Variants in ZNF775 observed in about 807,000 individuals in gnomAD.
ZNF775 encodes the protein zinc finger protein 775.
Under a neutral mutation model 2.4 loss-of-function variants are expected in ZNF775, and 1 was observed. The ratio of observed to expected loss-of-function variants is 0.41; its 90% CI spans 0.15 to 1.94. The LOEUF (loss-of-function observed/expected upper bound fraction) is 1.94. ZNF775 is among the 30% of genes most tolerant of loss of function. The pLI, the probability that ZNF775 is intolerant of heterozygous loss-of-function variation, is 0.30. For missense variants in ZNF775, 823 were observed against 826.6 expected (o/e 1.00, Z 0.05); for synonymous variants, 381 against 373.3 (o/e 1.02, Z -0.24).
chr7:150,391,682 TTCCCA>T (rs1800560877), intron 2 of ZNF775, among the ~76,000 whole-genome samples: 1 of 150,634 alleles, frequency 6.6e-6, no homozygotes, highest in South Asian at 2.1e-4. Flanking sequence ...CTGCTCTAAA[TTCCCA>T]TTTCTTTTTC....
chr7:150,388,161 A>G (rs1005351075), intron 1 of ZNF775, among the ~76,000 whole-genome samples: 13 of 152,076 alleles, frequency 8.5e-5, no homozygotes, highest in African/African-American at 3.1e-4. Flanking sequence ...TCTGCCATTC[A>G]TCACCTCCAT....
In ZNF775 at chr7:150,397,478, G is replaced by GGCGA; in HGVS notation, c.1001_1004dup (p.Pro336AlafsTer39). The stretch of plus-strand genomic sequence containing the variant: ...GACGCGGCACCTGCGCAACCACACA[G>GGCGA]GCGAGCGCCCGCACCCCTGCCCGCA... On this transcript the variant is annotated frameshift_variant, in exon 3 of 3. Coordinates refer to ENST00000329630, the MANE Select transcript of ZNF775 (RefSeq NM_173680.4). LOFTEE classifies it low-confidence loss of function (END_TRUNC). 2 of 1,590,302 alleles carry GGCGA rather than the reference G, an allele frequency of 1.3e-6. No homozygotes were observed. Among genetic ancestry groups the GGCGA allele is most frequent in the Non-Finnish European group, 1.7e-6 (2 of 1,174,238 alleles).
At chr7:150,391,235 C>T (rs1376882587) in intron 2 of ZNF775, among the ~76,000 whole-genome samples, 7 of 152,194 alleles carry the variant, frequency 4.6e-5, no homozygotes, top group African/African-American at 1.4e-4. Flanking sequence ...CGGCCAGGCG[C>T]GGTGGCTCAC....
intron 1 of ZNF775, among the ~76,000 whole-genome samples, chr7:150,381,418 C>T (rs1033394278): frequency 2.4e-4 from 37 of 152,260 alleles, no homozygotes; most frequent in African/African-American, 8.7e-4. Flanking sequence ...GCTGGCTGTT[C>T]ATACCCTGAG....
At position 150,397,306 on chromosome 7, in the gene ZNF775, G is replaced by C; in HGVS notation, c.825G>C (p.Pro275=). ...CCGCGGTCTCCGGCCCCGAGGGGCC[G>C]GGCGAGCCGCGCCAGTTCATCTGCA... is the stretch of plus-strand genomic sequence containing the variant. ...ARAAVSGPEG[P]GEPRQFICNE... Residue 275 remains proline, a synonymous_variant, in exon 3 of 3, where the codon CCG becomes CCC. Transcript: ENST00000329630. 1 of 1,572,314 alleles carries C rather than the reference G, an allele frequency of 6.4e-7. No homozygotes were observed. The highest frequency in any genetic ancestry group is 8.6e-7 in the Non-Finnish European group (1 of 1,164,504).
intron 1 of ZNF775, among the ~76,000 whole-genome samples, chr7:150,381,976 T>C (rs1241783323): frequency 6.8e-6 from 1 of 147,778 alleles, no homozygotes; most frequent in Admixed American, 6.7e-5. Context: ...ACAGGGGAGT[T>C]GTGGGAGGCT....
intron 2 of ZNF775, 98 bp from the exon 3 acceptor site, chr7:150,396,415 T>C (rs1218483785): frequency 7.0e-7 from 1 of 1,428,050 alleles, no homozygotes; most frequent in East Asian, 2.5e-5. Flanking sequence ...CTCTCTGCCC[T>C]CCTGCACCAC....
chr7:150,386,100 TAA>T (rs1800447872), intron 1 of ZNF775, among the ~76,000 whole-genome samples: 1 of 152,166 alleles, frequency 6.6e-6, no homozygotes, highest in African/African-American at 2.4e-5. Flanking sequence ...TACACCCAGC[TAA>T]GTTTTGTATT....
chr7:150,387,236 A>G (rs1800467551), intron 1 of ZNF775, among the ~76,000 whole-genome samples: 1 of 149,816 alleles, frequency 6.7e-6, no homozygotes, highest in African/African-American at 2.5e-5. Context: ...TGGTGATTGT[A>G]GCGAACTGAG....
Position 150,397,278 on chromosome 7 carries a change from G to C in ZNF775, c.797G>C (p.Arg266Pro), listed in dbSNP as rs1036467261. 1.4e-6 allele frequency: 2 copies of C among 1,479,986 alleles called. No individual in the cohort carries two copies. Among genetic ancestry groups the C allele is most frequent in the African/African-American group, 2.9e-5 (2 of 68,586 alleles). 91.7% of individuals were successfully genotyped at this position (1,479,986 alleles called of 1,614,324 possible). Residue 266 changes from arginine to proline, a missense_variant, in exon 3 of 3, where the codon CGG becomes CCG. Coordinates refer to ENST00000329630, the MANE Select transcript of ZNF775 (RefSeq NM_173680.4). Reference sequence around the variant, plus strand: ...GGCTGGTGGGGCCAGCCCGGGGCCCGGGCCGCGGTCTCCGGCCCCGAGGGG... The same window carrying C: ...GGCTGGTGGGGCCAGCCCGGGGCCCCGGCCGCGGTCTCCGGCCCCGAGGGG... The part of the protein sequence containing the change: ...CQGWWGQPGA[R>P]AAVSGPEGPG...
At chr7:150,383,962 C>G (rs774585922) in intron 1 of ZNF775, 1 of 152,604 alleles carries the variant, frequency 6.6e-6, no homozygotes, top group South Asian at 2.1e-4. Context: ...CGCCCCACCC[C>G]CAAGTCTCTG....
chr7:150,381,829 G>A (rs1800367906), intron 1 of ZNF775, among the ~76,000 whole-genome samples: 1 of 152,110 alleles, frequency 6.6e-6, no homozygotes, highest in African/African-American at 2.4e-5. Flanking sequence ...GGGGTGTTTG[G>A]GAGACTGAGG....
rs549437937 is a variant in ZNF775, at chr7:150,398,317, A to G, written c.*222A>G. On this transcript the variant is annotated 3_prime_UTR_variant, in exon 3 of 3. Coordinates refer to ENST00000329630, the MANE Select transcript of ZNF775 (RefSeq NM_173680.4). Reference sequence around the variant, plus strand: ...GGAGGAGGGAAGATCCGAGTTCCTCACCGCGGGCCGGGATGTGACCACCCT... The same window carrying G: ...GGAGGAGGGAAGATCCGAGTTCCTCGCCGCGGGCCGGGATGTGACCACCCT... The G allele has an allele frequency of 8.1e-4, 605 of 745,240 alleles. 3 individuals carry two copies. In the African/African-American group the frequency reaches 9.4e-3, roughly 12 times the overall value. 46.2% of individuals were successfully genotyped at this position (745,240 alleles called of 1,614,324 possible). A position where few individuals can be genotyped will look rare whatever the true frequency, so the allele number is the denominator to read the frequency against.
chr7:150,381,151 C>A (rs988096304), intron 1 of ZNF775, among the ~76,000 whole-genome samples: 2 of 151,732 alleles, frequency 1.3e-5, no homozygotes, highest in African/African-American at 4.8e-5. Flanking sequence ...GCTCTCGCCT[C>A]TGAAGGGAGG....
Position 150,398,268 on chromosome 7 carries a change from G to A in ZNF775, c.*173G>A, listed in dbSNP as rs1420008955. 1.4e-5 allele frequency: 16 copies of A among 1,133,622 alleles called. No individual in the cohort carries two copies. In the East Asian group the frequency reaches 4.4e-4, roughly 31 times the overall value. The allele number at this position is 1,133,622 out of a possible 1,614,324, so 70.2% of individuals were successfully genotyped here. On this transcript the variant is annotated 3_prime_UTR_variant, in exon 3 of 3. Transcript: ENST00000329630. The stretch of plus-strand genomic sequence containing the variant: ...TCTAGAAGCGTCCCAAAGGGTGCTG[G>A]GAAAGGTCCCAGCGTGGGTTGAGGG...
At chr7:150,388,660 G>T (rs1232643396) in intron 2 of ZNF775, among the ~76,000 whole-genome samples, 159 bp downstream of exon 2, 3 of 152,248 alleles carry the variant, frequency 2.0e-5, no homozygotes, top group Non-Finnish European at 4.4e-5. Flanking sequence ...GACTTAGACA[G>T]CCATGTCAAA....
At position 150,397,683 on chromosome 7, in the gene ZNF775, G is replaced by C; in HGVS notation, c.1202G>C (p.Gly401Ala). The stretch of plus-strand genomic sequence containing the variant: ...CCCGCCGTTCCGGCCGGGGAACCGG[G>C]CGACCAGCCGCAGGCCGAGGCCATC... ...AEPAVPAGEPGDQPQAEAIPG... is the reference protein window; with the variant it reads ...AEPAVPAGEPADQPQAEAIPG... The change falls in exon 3 of 3, where the codon GGC becomes GCC. Residue 401 changes from glycine to alanine, a missense_variant. Coordinates refer to ENST00000329630, the MANE Select transcript of ZNF775 (RefSeq NM_173680.4). The C allele has an allele frequency of 7.5e-7, 1 of 1,342,226 alleles. No individual in the cohort carries two copies. Among genetic ancestry groups the C allele is most frequent in the Non-Finnish European group, 9.5e-7 (1 of 1,053,332 alleles). 83.1% of individuals were successfully genotyped at this position (1,342,226 alleles called of 1,614,324 possible).
Position 150,397,146 on chromosome 7 carries a change from C to A in ZNF775, c.665C>A (p.Ala222Asp). Residue 222 changes from alanine (A) to aspartate (D), a missense_variant, in exon 3 of 3, where the codon GCC becomes GAC. Transcript: ENST00000329630. ...GCCCGGGACCGCCAGGGCTCCCGCG[C>A]CGGCCTGCACGAGCTGATTCAGGAC... is the stretch of plus-strand genomic sequence containing the variant. ...AHARDRQGSR[A>D]GLHELIQDAA... 6.8e-7 allele frequency: 1 copy of A among 1,474,904 alleles called. No homozygotes were observed. 91.4% of individuals were successfully genotyped at this position (1,474,904 alleles called of 1,614,324 possible).
chr7:150,396,882 C>G lies in ZNF775; in HGVS notation c.401C>G (p.Pro134Arg). The change falls in exon 3 of 3, where the codon CCG (proline) becomes CGG (arginine). Residue 134 changes from proline to arginine, a missense_variant. Pro to Arg is a moderately radical substitution (Grantham distance 103). Transcript: ENST00000329630. ...CAGCGCACCCACACCGGGGAGAAGC[C>G]GTACCTCTGCGGCAAGTGCGGCAAG... ...IHQRTHTGEK[P>R]YLCGKCGKSF... The G allele has an allele frequency of 6.2e-7, 1 of 1,602,702 alleles. No individual in the cohort carries two copies. The highest frequency in any genetic ancestry group is 8.5e-7 in the Non-Finnish European group (1 of 1,179,722).
Sources: allele counts gnomAD v4.1 joint callset (sites outside exome capture counted in the v4.1 genomes callset), GRCh38; gene constraint gnomAD v4.1.1; transcripts MANE v1.5; gene names NCBI Gene and HGNC (gene_info 2026-07-23, HGNC 2026-07-21).